The following LITAF variants were observed in gnomAD, a reference collection of about 807,000 sequenced individuals.
LITAF encodes the protein lipopolysaccharide induced TNF factor, also known as lipopolysaccharide-induced tumor necrosis factor-alpha factor.
LITAF carries 9 observed loss-of-function variants against 14.5 expected under a neutral mutation model. That is an observed-to-expected ratio of 0.62 (90% CI 0.37 to 1.08). The LOEUF (loss-of-function observed/expected upper bound fraction) is 1.08, where lower values mean the gene tolerates loss of function less well. LITAF is among the 50% of genes least tolerant of loss of function. LITAF has a pLI of 0.01. For missense variants in LITAF, 206 were observed against 213.4 expected, an observed-to-expected ratio of 0.97 and a Z score of 0.22; for synonymous variants, 98 against 88.2, an observed-to-expected ratio of 1.11 and a Z score of -0.62.
intron 3 of LITAF, among the ~76,000 whole-genome samples, chr16:11,619,885 C>A (rs184415982): frequency 3.3e-5 from 5 of 152,098 alleles, no homozygotes; most frequent in Admixed American, 1.3e-4. Flanking sequence ...ATGTAATCTG[C>A]GGACGGGTGC....
At chr16:11,608,524 G>A (rs956995589) in intron 3 of LITAF, among the ~76,000 whole-genome samples, 5 of 152,242 alleles carry the variant, frequency 3.3e-5, no homozygotes, top group East Asian at 1.9e-4. Context: ...CCAAATGTCC[G>A]TCGACAGACA....
chr16:11,636,461 G>C (rs2065138755), upstream of LITAF: 1 of 152,288 alleles, frequency 6.6e-6, no homozygotes, highest in African/African-American at 2.4e-5. Context: ...AGATTGGTCA[G>C]ACCAGGTGTG....
At chr16:11,633,595 C>T (rs750647933) in exon 3 of LITAF, 1 of 152,154 alleles carries the variant, frequency 6.6e-6, no homozygotes, top group Non-Finnish European at 1.5e-5. Flanking sequence ...CCCACCAGCA[C>T]CATGACAGTT....
chr16:11,626,017 T>A (rs1273773922), intron 3 of LITAF, among the ~76,000 whole-genome samples: 8 of 151,942 alleles, frequency 5.3e-5, no homozygotes, highest in Non-Finnish European at 1.0e-4. Context: ...AACCTGGGAG[T>A]CAATTCCAGA....
intron 1 of LITAF, among the ~76,000 whole-genome samples, chr16:11,582,011 A>G (rs1388767215): frequency 6.6e-6 from 1 of 152,198 alleles, no homozygotes; most frequent in East Asian, 1.9e-4. Context: ...AATAAGTTCT[A>G]CTGTTCTGTA....
intron 1 of LITAF, among the ~76,000 whole-genome samples, chr16:11,585,552 A>G (rs922826172): frequency 6.6e-6 from 1 of 152,198 alleles, no homozygotes. Flanking sequence ...TGATAAAACC[A>G]AAACACTGGT....
chr16:11,609,355 G>T (rs576204164), intron 3 of LITAF, among the ~76,000 whole-genome samples: 93 of 152,056 alleles, frequency 6.1e-4, no homozygotes, highest in Non-Finnish European at 9.4e-4. Context: ...GGGGTTACAG[G>T]CGCCTGCCAC....
intron 1 of LITAF, among the ~76,000 whole-genome samples, chr16:11,560,406 T>C (rs573347028): frequency 1.3e-5 from 2 of 151,078 alleles, no homozygotes; most frequent in African/African-American, 4.9e-5. Flanking sequence ...AGGTAAGGAG[T>C]TCGAGACCAG....
Position 11,632,531 on chromosome 16 carries a change from G to T in LITAF, c.85+1002C>A, listed in dbSNP as rs546324330. 3.9e-5 allele frequency among the ~76,000 whole-genome samples: 6 copies of T among 152,314 alleles called. No individual in the cohort carries two copies. Among genetic ancestry groups the T allele is most frequent in the South Asian group, 2.1e-4 (1 of 4,824 alleles). Reference sequence around the variant, plus strand: ...AACTAACAGCTACCCCTGACTCTGCGGGCCCAGAGCAGATCACTGCCAGCC... The same window carrying T: ...AACTAACAGCTACCCCTGACTCTGCTGGCCCAGAGCAGATCACTGCCAGCC... On this transcript the variant is annotated intron_variant, in intron 3 of 3. Transcript: ENST00000574848. This position sits in a 1 kb window ranked among gnomAD's most constrained non-coding sequence, Gnocchi z 4.8.
At chr16:11,575,883 A>G (rs2064624779) in intron 1 of LITAF, among the ~76,000 whole-genome samples, 1 of 151,934 alleles carries the variant, frequency 6.6e-6, no homozygotes, top group Non-Finnish European at 1.5e-5. Flanking sequence ...TCTTTCTTAA[A>G]CTGAACTTTG....
At chr16:11,626,061 A>T in intron 3 of LITAF, among the ~76,000 whole-genome samples, 1 of 152,194 alleles carries the variant, frequency 6.6e-6, no homozygotes, top group Non-Finnish European at 1.5e-5. Context: ...CAGGAGTTCC[A>T]GAGACTGGGC....
rs9937485 is a variant in LITAF, at chr16:11,558,924, A to T, written c.-5-2189T>A. Among the ~76,000 whole-genome samples the T allele has an allele frequency of 0.29, 44,535 of 151,928 alleles. 6,990 individuals are homozygous for T. The highest frequency in any genetic ancestry group is 0.33 in the Non-Finnish European group (22,320 of 67,952). On this transcript the variant is annotated intron_variant, in intron 1 of 3. Transcript: ENST00000622633. The surrounding 1 kb of genome is among the most constrained non-coding windows in gnomAD (Gnocchi z 4.1). ...GTATCTGCTGCCCAATATAGCAGCC[A>T]CCAGTCACGTAAGGTTATTGGGCGT...
At chr16:11,577,011 A>G (rs1220196506) in intron 1 of LITAF, among the ~76,000 whole-genome samples, 1 of 152,196 alleles carries the variant, frequency 6.6e-6, no homozygotes, top group Non-Finnish European at 1.5e-5. Flanking sequence ...AGCGCTTTTC[A>G]TGCCTGTTTC....
At chr16:11,611,267 C>T (rs2064980790) in intron 3 of LITAF, among the ~76,000 whole-genome samples, 1 of 152,038 alleles carries the variant, frequency 6.6e-6, no homozygotes. Context: ...GAATTGAGCC[C>T]AGGAGTTCGA....
chr16:11,564,703 C>T (rs1407181645), intron 1 of LITAF, among the ~76,000 whole-genome samples: 1 of 152,100 alleles, frequency 6.6e-6, no homozygotes, highest in African/African-American at 2.4e-5. Context: ...AAAGATCAGA[C>T]TTCGGGAAGC....
At chr16:11,624,806 C>G (rs2065073563) in intron 3 of LITAF, among the ~76,000 whole-genome samples, 1 of 152,190 alleles carries the variant, frequency 6.6e-6, no homozygotes, top group African/African-American at 2.4e-5. Context: ...CCCCTCAAAT[C>G]TGGGTGGCCT....
rs1169136922 is a variant in LITAF at position 11,634,789 on chromosome 16, C to T, written c.-21+1036G>A. Among the ~76,000 whole-genome samples the T allele has an allele frequency of 1.3e-5, 2 of 152,316 alleles. No individual in the cohort carries two copies. Among genetic ancestry groups the T allele is most frequent in the East Asian group, 3.9e-4 (2 of 5,182 alleles). Reference sequence around the variant, plus strand: ...GTGGCTCACATCTGTAATCCCAGCACTTTGGGAGGCCAAGGCGGTAGATCA... The same window carrying T: ...GTGGCTCACATCTGTAATCCCAGCATTTTGGGAGGCCAAGGCGGTAGATCA... On this transcript the variant is annotated intron_variant, in intron 2 of 3. Coordinates refer to the LITAF transcript ENST00000574848. This position sits in a 1 kb window ranked among gnomAD's most constrained non-coding sequence, Gnocchi z 4.1.
upstream of LITAF, among the ~76,000 whole-genome samples, chr16:11,599,317 C>A (rs902573692): frequency 4.6e-5 from 7 of 152,092 alleles, no homozygotes; most frequent in African/African-American, 9.7e-5. Context: ...GGGGTTTCAC[C>A]ATGTTGGCCA....
intron 1 of LITAF, among the ~76,000 whole-genome samples, chr16:11,566,626 G>A (rs750096482): frequency 1.8e-4 from 27 of 152,112 alleles, no homozygotes; most frequent in African/African-American, 5.1e-4. Context: ...TCAGCTGGGC[G>A]TGATGGCACA....
Sources: gnomAD v4.1 joint callset for allele counts (sites outside exome capture counted in the v4.1 genomes callset) on GRCh38, gnomAD v4.1.1 for gene constraint, Gnocchi (gnomAD v3.1) non-coding constraint, MANE v1.5 for transcripts, NCBI Gene and HGNC (gene_info 2026-07-23, HGNC 2026-07-21) for gene names.